ARHGAP22: variants seen among roughly 807,000 people sequenced by gnomAD.
The protein encoded by ARHGAP22 is Rho GTPase activating protein 22, also known as rho GTPase-activating protein 22.
ARHGAP22 carries 48 observed loss-of-function variants against 59.1 expected under a neutral mutation model. The ratio of observed to expected loss-of-function variants is 0.81; its 90% CI spans 0.64 to 1.03. ARHGAP22 has a LOEUF of 1.03. Ranked by LOEUF, ARHGAP22 falls within the 50% of genes least tolerant of loss-of-function variation. The pLI is 0.00. For missense variants in ARHGAP22, 1,015 were observed against 958.7 expected (o/e 1.06, Z -0.78); for synonymous variants, 445 against 416.4 (o/e 1.07, Z -0.84).
At chr10:48,589,036 G>A (rs184257826) in intron 1 of ARHGAP22, among the ~76,000 whole-genome samples, 2 of 152,252 alleles carry the variant, frequency 1.3e-5, no homozygotes, top group East Asian at 3.9e-4. Flanking sequence ...TGCGTGTGCC[G>A]AGGGGCCGCT....
chr10:48,583,938 G>A (rs974703555), intron 1 of ARHGAP22, among the ~76,000 whole-genome samples: 8 of 152,104 alleles, frequency 5.3e-5, no homozygotes, highest in Non-Finnish European at 1.0e-4. Context: ...ACACCCCACC[G>A]AGGTTGGTGC....
downstream of ARHGAP22, among the ~76,000 whole-genome samples, chr10:48,443,106 C>A (rs1012732162): frequency 6.6e-5 from 10 of 152,092 alleles, no homozygotes; most frequent in Non-Finnish European, 1.3e-4. Flanking sequence ...GTAAGGTAAT[C>A]ATGTTTGGCA....
At chr10:48,572,436 A>C (rs3905490) in intron 2 of ARHGAP22, among the ~76,000 whole-genome samples, 58,686 of 151,940 alleles carry the variant, frequency 0.39, 12,753 homozygotes, top group East Asian at 0.89. Context: ...GACCACCAAC[A>C]ATAGGCTGGC....
intron 4 of ARHGAP22, among the ~76,000 whole-genome samples, chr10:48,469,081 G>T (rs2047988105): frequency 6.6e-6 from 1 of 152,198 alleles, no homozygotes; most frequent in Non-Finnish European, 1.5e-5. Flanking sequence ...GGCAGGCAGG[G>T]TCTGCTGCCC....
At chr10:48,581,661 T>C (rs79617707) in intron 2 of ARHGAP22, among the ~76,000 whole-genome samples, 1,932 of 152,384 alleles carry the variant, frequency 0.013, 40 homozygotes, top group African/African-American at 0.044. Flanking sequence ...TGTGGTAATG[T>C]ATGTGTAACA....
intron 1 of ARHGAP22, among the ~76,000 whole-genome samples, chr10:48,589,653 C>G (rs1170758112): frequency 6.6e-6 from 1 of 152,198 alleles, no homozygotes; most frequent in African/African-American, 2.4e-5. Context: ...GTCCTACAGT[C>G]CCTTAGTTTC....
chr10:48,624,570 T>C (rs2061384609), intron 1 of ARHGAP22: 1 of 152,284 alleles, frequency 6.6e-6, no homozygotes, highest in Non-Finnish European at 1.5e-5. Flanking sequence ...CCCAATGTTT[T>C]GCACCCCATC....
intron 1 of ARHGAP22, among the ~76,000 whole-genome samples, chr10:48,646,771 C>A (rs2062318602): frequency 6.6e-6 from 1 of 152,126 alleles, no homozygotes; most frequent in Admixed American, 6.5e-5. Context: ...GATGCTAAAA[C>A]CATACAACTT....
intron 2 of ARHGAP22, among the ~76,000 whole-genome samples, chr10:48,572,300 A>G (rs1030738976): frequency 8.5e-5 from 13 of 152,222 alleles, no homozygotes; most frequent in Admixed American, 8.5e-4. Context: ...CTAAGAAACA[A>G]GTGCTAAAAC....
At chr10:48,448,114 C>T (rs1247696725) in intron 9 of ARHGAP22, among the ~76,000 whole-genome samples, 2 of 152,230 alleles carry the variant, frequency 1.3e-5, no homozygotes, top group African/African-American at 4.8e-5. Flanking sequence ...TCACTTCATT[C>T]TCATCTCACT....
chr10:48,652,999 G>A (rs1188608096), upstream of ARHGAP22, among the ~76,000 whole-genome samples: 2 of 152,212 alleles, frequency 1.3e-5, no homozygotes, highest in Non-Finnish European at 2.9e-5. Flanking sequence ...TTATGAAACA[G>A]CCAAGCGATA....
At chr10:48,625,272 T>G (rs994508715) in intron 1 of ARHGAP22, among the ~76,000 whole-genome samples, 8 of 152,186 alleles carry the variant, frequency 5.3e-5, no homozygotes, top group Admixed American at 5.2e-4. Flanking sequence ...GTTTATCAAA[T>G]CACATTTATG....
chr10:48,590,675 T>C (rs1171258222), intron 1 of ARHGAP22, among the ~76,000 whole-genome samples: 1 of 152,214 alleles, frequency 6.6e-6, no homozygotes, highest in East Asian at 1.9e-4. Flanking sequence ...TGCCGGGCCA[T>C]CTGGCCTGTG....
At chr10:48,514,856 T>C (rs191616074) in intron 3 of ARHGAP22, among the ~76,000 whole-genome samples, 174 of 152,236 alleles carry the variant, frequency 1.1e-3, no homozygotes, top group African/African-American at 3.9e-3. Flanking sequence ...TGTAAACCAC[T>C]GAAGTATTAA....
At chr10:48,603,908 C>G (rs1029332995) in intron 1 of ARHGAP22, among the ~76,000 whole-genome samples, 1 of 152,232 alleles carries the variant, frequency 6.6e-6, no homozygotes, top group Non-Finnish European at 1.5e-5. Context: ...TTCCAAGCTC[C>G]CAGGCAAATG....
At chr10:48,461,352 T>C (rs562113615) in intron 4 of ARHGAP22, among the ~76,000 whole-genome samples, 4 of 152,188 alleles carry the variant, frequency 2.6e-5, no homozygotes, top group Non-Finnish European at 5.9e-5. Flanking sequence ...CTGGTAACAC[T>C]GTGTCTCTCC....
At chr10:48,500,026 GC>G (rs139671044) in intron 3 of ARHGAP22, among the ~76,000 whole-genome samples, 4,312 of 152,254 alleles carry the variant, frequency 0.028, 221 homozygotes, top group African/African-American at 0.098. Context: ...AGTCCGACCA[GC>G]CCAACCAATT....
At position 48,451,034 on chromosome 10, in the gene ARHGAP22, T is replaced by C; in HGVS notation, c.1095A>G (p.Gln365=). 6.4e-7 allele frequency: 1 copy of C among 1,553,090 alleles called. No individual in the cohort carries two copies. The highest frequency in any genetic ancestry group is 8.7e-7 in the Non-Finnish European group (1 of 1,148,454). ...CCTCGGAGCCCCACCCCACTGCGCA[T>C]TGCAGGCCCCCGCGCGGGGAGGTGG... The part of the protein sequence containing the change: ...EGPTSPRGGL[Q]CAVGWGSEEV... Residue 365 remains glutamine (Q), a synonymous_variant, in exon 9 of 10, where the codon CAA becomes CAG. Transcript: ENST00000249601.
chr10:48,530,397 CA>C (rs1285212178), intron 3 of ARHGAP22, among the ~76,000 whole-genome samples: 1 of 152,036 alleles, frequency 6.6e-6, no homozygotes, highest in Admixed American at 6.6e-5. Context: ...GCAAATGCAA[CA>C]AAAACAAAGA....
Sources: gnomAD v4.1 joint callset for allele counts (sites outside exome capture counted in the v4.1 genomes callset) on GRCh38, gnomAD v4.1.1 for gene constraint, MANE v1.5 for transcripts, NCBI Gene and HGNC (gene_info 2026-07-23, HGNC 2026-07-21) for gene names.